Variants in TCERG1L observed in about 807,000 individuals in gnomAD.
The protein encoded by TCERG1L is transcription elongation regulator 1 like.
TCERG1L carries 37 observed loss-of-function variants against 56.3 expected under a neutral mutation model. That is an observed-to-expected ratio of 0.66 (90% CI 0.51 to 0.87). The LOEUF (loss-of-function observed/expected upper bound fraction) is 0.87, where lower values mean the gene tolerates loss of function less well. Ranked by LOEUF, TCERG1L falls within the 40% of genes least tolerant of loss-of-function variation. The pLI is 0.00. For synonymous variants in TCERG1L, 324 were observed against 326.3 expected (o/e 0.99, Z 0.08); for missense variants, 799 against 774.2 (o/e 1.03, Z -0.38).
chr10:131,249,988 C>T (rs912138728), intron 4 of TCERG1L, among the ~76,000 whole-genome samples: 2 of 152,250 alleles, frequency 1.3e-5, no homozygotes, highest in African/African-American at 2.4e-5. Context: ...TCAGAAAGAA[C>T]GCAAGAGCAA....
At chr10:131,296,655 A>G (rs953866686) in intron 3 of TCERG1L, among the ~76,000 whole-genome samples, 2 of 152,198 alleles carry the variant, frequency 1.3e-5, no homozygotes, top group African/African-American at 2.4e-5. Context: ...GTCAATTTAC[A>G]TGAAACTGGG....
At chr10:131,166,580 G>A (rs1234189801) in intron 5 of TCERG1L, among the ~76,000 whole-genome samples, 3 of 152,196 alleles carry the variant, frequency 2.0e-5, no homozygotes, top group Non-Finnish European at 4.4e-5. Context: ...GTCCCCCAGG[G>A]AGCTTCAGAC....
At chr10:131,158,526 TATC>T (rs1169661003) in intron 6 of TCERG1L, among the ~76,000 whole-genome samples, 1 of 152,232 alleles carries the variant, frequency 6.6e-6, no homozygotes, top group Non-Finnish European at 1.5e-5. Context: ...CTTACATCCT[TATC>T]ATCCCAATTC....
chr10:131,196,861 G>A (rs1329798903), intron 4 of TCERG1L, among the ~76,000 whole-genome samples: 2 of 152,232 alleles, frequency 1.3e-5, no homozygotes, highest in East Asian at 1.9e-4. Flanking sequence ...TATTTGCATT[G>A]TTGATCTCAG....
intron 3 of TCERG1L, among the ~76,000 whole-genome samples, chr10:131,287,961 T>C (rs548149710): frequency 2.3e-4 from 35 of 152,276 alleles, no homozygotes; most frequent in African/African-American, 7.5e-4. Flanking sequence ...TTTTAAACGA[T>C]AGACTAGAAG....
intron 4 of TCERG1L, among the ~76,000 whole-genome samples, chr10:131,207,118 G>T (rs550571451): frequency 6.6e-6 from 1 of 152,204 alleles, no homozygotes; most frequent in African/African-American, 2.4e-5. Flanking sequence ...CAAGAAAGCT[G>T]CATGGAGATC....
intron 3 of TCERG1L, among the ~76,000 whole-genome samples, chr10:131,300,805 A>G (rs1445211445): frequency 6.6e-6 from 1 of 150,836 alleles, no homozygotes; most frequent in Non-Finnish European, 1.5e-5. Flanking sequence ...CATCATAAAT[A>G]GAACAATGAA....
chr10:131,146,033 TC>T (rs1055804370), intron 7 of TCERG1L, among the ~76,000 whole-genome samples: 11 of 152,164 alleles, frequency 7.2e-5, no homozygotes, highest in Non-Finnish European at 1.3e-4. Context: ...GAAAATCTCT[TC>T]CCCTGTCCGT....
At chr10:131,246,011 T>C (rs5004305) in intron 4 of TCERG1L, among the ~76,000 whole-genome samples, 148,490 of 152,216 alleles carry the variant, frequency 0.98, 72,521 homozygotes, top group East Asian at 1. Flanking sequence ...CCCCCAAGTG[T>C]CGGGTCTTCT....
At chr10:131,143,745 A>G (rs543952395) in intron 7 of TCERG1L, among the ~76,000 whole-genome samples, 1 of 152,286 alleles carries the variant, frequency 6.6e-6, no homozygotes, top group South Asian at 2.1e-4. Flanking sequence ...CGAGAACCGC[A>G]TGGCACGGAA....
chr10:131,255,323 C>T (rs1373305981), intron 4 of TCERG1L, among the ~76,000 whole-genome samples: 5 of 152,280 alleles, frequency 3.3e-5, no homozygotes, highest in Admixed American at 6.5e-5. Context: ...AAAAGGCCAT[C>T]GCAGAAGAAT....
At chr10:131,276,385 C>A (rs181901124) in intron 3 of TCERG1L, among the ~76,000 whole-genome samples, 3 of 152,346 alleles carry the variant, frequency 2.0e-5, no homozygotes, top group Admixed American at 2.0e-4. Flanking sequence ...TTTGTTTGCA[C>A]AACAACAAAA....
intron 4 of TCERG1L, among the ~76,000 whole-genome samples, chr10:131,171,827 T>A (rs1296351464): frequency 2.6e-5 from 4 of 152,196 alleles, no homozygotes; most frequent in African/African-American, 9.6e-5. Flanking sequence ...TGCCTCGGCC[T>A]CCCAAAGTGC....
In TCERG1L at chr10:131,311,193, A is replaced by T; in HGVS notation, c.342+101T>A. The T allele has an allele frequency of 1.1e-6, 1 of 950,254 alleles. No homozygotes were observed. Among genetic ancestry groups the T allele is most frequent in the Non-Finnish European group, 1.3e-6 (1 of 753,464 alleles). 58.9% of individuals were successfully genotyped at this position (950,254 alleles called of 1,614,324 possible). The stretch of plus-strand genomic sequence containing the variant: ...TTTGGGGCGGCGAGGACCGCCGGGG[A>T]GGAGGGCGCGCGAGCCGGAGGCCAG... On this transcript the variant is annotated intron_variant, in intron 1 of 11. Coordinates refer to ENST00000368642, the MANE Select transcript of TCERG1L (RefSeq NM_174937.4). This position sits in a 1 kb window ranked among gnomAD's most constrained non-coding sequence, Gnocchi z 4.0.
Position 131,113,456 on chromosome 10 carries a change from C to T in TCERG1L, c.1395+3343G>A, listed in dbSNP as rs1030814979. 4.9e-5 allele frequency among the ~76,000 whole-genome samples: 7 copies of T among 142,158 alleles called. 2 individuals carry two copies. The highest frequency in any genetic ancestry group is 2.4e-4 in the East Asian group (1 of 4,178). The allele number at this position is 142,158 out of a possible 152,430, so 93.3% of individuals were successfully genotyped here. ...ACCAGATGTTACTCATCCGGGGAGA[C>T]GGACAGGGCAAGGCTGCCCTTCCTT... is the stretch of plus-strand genomic sequence containing the variant. On this transcript the variant is annotated intron_variant, in intron 9 of 11. Coordinates refer to ENST00000368642, the MANE Select transcript of TCERG1L (RefSeq NM_174937.4).
At chr10:131,265,428 C>T (rs555872474) in intron 3 of TCERG1L, among the ~76,000 whole-genome samples, 1 of 152,324 alleles carries the variant, frequency 6.6e-6, no homozygotes, top group South Asian at 2.1e-4. Flanking sequence ...GAATGATTTA[C>T]ATCATTGGTA....
rs140402882 is a variant in TCERG1L, at chr10:131,147,034, C to T, written c.1035-374G>A. On this transcript the variant is annotated intron_variant, in intron 6 of 11. Coordinates refer to ENST00000368642, the MANE Select transcript of TCERG1L (RefSeq NM_174937.4). ...CTGGGGCGCCTCCTGGCCCTGGTTC[C>T]GGCAATAGAGTAATTCGGAGAGCGG... Among the ~76,000 whole-genome samples the T allele has an allele frequency of 7.9e-5, 12 of 152,052 alleles. No individual in the cohort carries two copies. In the East Asian group the frequency reaches 1.2e-3, roughly 15 times the overall value.
At chr10:131,254,355 CTTAT>C (rs1278575015) in intron 4 of TCERG1L, among the ~76,000 whole-genome samples, 1 of 132,732 alleles carries the variant, frequency 7.5e-6, no homozygotes, top group Non-Finnish European at 1.6e-5. Context: ...TTTTTATTTA[CTTAT>C]TTATTTTTAG....
chr10:131,244,055 T>C (rs1315478013), intron 4 of TCERG1L, among the ~76,000 whole-genome samples: 1 of 152,176 alleles, frequency 6.6e-6, no homozygotes, highest in Non-Finnish European at 1.5e-5. Context: ...TCAACAGCCA[T>C]TGTCTAAAAT....
Sources: gnomAD v4.1 joint callset for allele counts (sites outside exome capture counted in the v4.1 genomes callset) on GRCh38, gnomAD v4.1.1 for gene constraint, Gnocchi (gnomAD v3.1) non-coding constraint, MANE v1.5 for transcripts, NCBI Gene and HGNC (gene_info 2026-07-23, HGNC 2026-07-21) for gene names.